Variants in NAB1 observed in about 807,000 individuals in gnomAD.
NAB1 encodes the protein NGFI-A-binding protein 1.
NAB1 carries 25 observed loss-of-function variants against 49.9 expected under a neutral mutation model. The ratio of observed to expected loss-of-function variants is 0.50; its 90% CI spans 0.37 to 0.70. NAB1 has a LOEUF of 0.70. Among genes scored for constraint, NAB1 ranks in the 30% least tolerant of loss-of-function variants. The probability of loss-of-function intolerance (pLI) is 0.00; values close to 1 mark genes in which losing one functional copy is unlikely to be tolerated. For missense variants in NAB1, 489 were observed against 575.9 expected (o/e 0.85, Z 1.54); for synonymous variants, 198 against 215.6 (o/e 0.92, Z 0.71).
intron 5 of NAB1, among the ~76,000 whole-genome samples, chr2:190,672,091 T>C (rs980094794): frequency 7.9e-5 from 12 of 152,132 alleles, no homozygotes; most frequent in African/African-American, 2.9e-4. Context: ...TCCTTTAAAG[T>C]TAAATGTACC....
At chr2:190,668,537 A>G (rs1437695281) in intron 4 of NAB1, among the ~76,000 whole-genome samples, 3 of 152,212 alleles carry the variant, frequency 2.0e-5, no homozygotes, top group East Asian at 1.9e-4. Flanking sequence ...CTCTGCCTTA[A>G]TACATCGGTA....
In NAB1 at chr2:190,670,676, A is replaced by C. The variant is rs762040766; in HGVS notation, c.953+217A>C. ...TTTTGAAAGGCATCATTCTCTAGTTACTATAGCATTGTTCTGGTAGTGGTT... is the reference window on the plus strand; with the variant it reads ...TTTTGAAAGGCATCATTCTCTAGTTCCTATAGCATTGTTCTGGTAGTGGTT... On this transcript the variant is annotated intron_variant, in intron 5 of 9. Coordinates refer to ENST00000337386, the MANE Select transcript of NAB1 (RefSeq NM_005966.4). The surrounding 1 kb of genome is among the most constrained non-coding windows in gnomAD (Gnocchi z 5.3). Among the ~76,000 whole-genome samples the C allele has an allele frequency of 2.0e-5, 3 of 152,158 alleles. No homozygotes were observed. Among genetic ancestry groups the C allele is most frequent in the African/African-American group, 7.2e-5 (3 of 41,424 alleles).
Position 190,651,280 on chromosome 2 carries a change from TCTC to T in NAB1, c.-197+1299_-197+1301del, listed in dbSNP as rs992807332. 6.6e-6 allele frequency among the ~76,000 whole-genome samples: 1 copy of T among 152,178 alleles called. No homozygotes were observed. Among genetic ancestry groups the T allele is most frequent in the African/African-American group, 2.4e-5 (1 of 41,422 alleles). ...ATTTCAAAATTATTCAGTTGAGTAA[TCTC>T]TTTTTTGTAAGTGGCAAATAACATC... On this transcript the variant is annotated intron_variant, in intron 2 of 9. Coordinates refer to ENST00000337386, the MANE Select transcript of NAB1 (RefSeq NM_005966.4). The surrounding 1 kb of genome is among the most constrained non-coding windows in gnomAD (Gnocchi z 4.3).
chr2:190,686,337 A>G lies in NAB1; in HGVS notation c.1258+699A>G, dbSNP rs1695605430. ...ACAGGTTATATATCCTCTAGTTTCAAATAGTAATAAGTGTTTGAAGAAAAA... is the reference window on the plus strand; with the variant it reads ...ACAGGTTATATATCCTCTAGTTTCAGATAGTAATAAGTGTTTGAAGAAAAA... On this transcript the variant is annotated intron_variant, in intron 8 of 9. Coordinates refer to ENST00000337386, the MANE Select transcript of NAB1 (RefSeq NM_005966.4). The surrounding 1 kb of genome is among the most constrained non-coding windows in gnomAD (Gnocchi z 5.5). Among the ~76,000 whole-genome samples the G allele has an allele frequency of 6.6e-6, 1 of 152,206 alleles. No homozygotes were observed. Among genetic ancestry groups the G allele is most frequent in the Non-Finnish European group, 1.5e-5 (1 of 68,030 alleles).
At chr2:190,673,593 T>G (rs1694928621) in intron 6 of NAB1, among the ~76,000 whole-genome samples, 1 of 152,232 alleles carries the variant, frequency 6.6e-6, no homozygotes, top group Non-Finnish European at 1.5e-5. Context: ...GATTTAAAAC[T>G]TCACGGGTTA....
At chr2:190,650,156 C>G (rs2125520096) in intron 2 of NAB1, among the ~76,000 whole-genome samples, 174 bp downstream of exon 2, 1 of 152,318 alleles carries the variant, frequency 6.6e-6, no homozygotes, top group South Asian at 2.1e-4. Flanking sequence ...TTTGTCGATT[C>G]TGCAGACCAA....
At chr2:190,665,306 G>A (rs1173410353) in intron 4 of NAB1, among the ~76,000 whole-genome samples, 3 of 147,334 alleles carry the variant, frequency 2.0e-5, no homozygotes, top group Non-Finnish European at 3.0e-5. Context: ...CTGGGCGACA[G>A]AGCAAGACTC....
chr2:190,663,797 T>A lies in NAB1; in HGVS notation c.819+3802T>A, dbSNP rs530637950. Among the ~76,000 whole-genome samples the A allele has an allele frequency of 6.6e-6, 1 of 152,328 alleles. No homozygotes were observed. Among genetic ancestry groups the A allele is most frequent in the African/African-American group, 2.4e-5 (1 of 41,572 alleles). The stretch of plus-strand genomic sequence containing the variant: ...TCACTATGTATTGATTCAGTGTTAT[T>A]CCCAAAGTTTTGTTATGAGGTTATT... On this transcript the variant is annotated intron_variant, in intron 4 of 9. Coordinates refer to ENST00000337386, the MANE Select transcript of NAB1 (RefSeq NM_005966.4). This position sits in a 1 kb window ranked among gnomAD's most constrained non-coding sequence, Gnocchi z 4.2.
Position 190,649,637 on chromosome 2 carries a change from G to A in NAB1, c.-333-209G>A, listed in dbSNP as rs1693546773. 6.6e-6 allele frequency among the ~76,000 whole-genome samples: 1 copy of A among 152,000 alleles called. No individual in the cohort carries two copies. The highest frequency in any genetic ancestry group is 2.4e-5 in the African/African-American group (1 of 41,358). On this transcript the variant is annotated intron_variant, in intron 1 of 9. Coordinates refer to ENST00000337386, the MANE Select transcript of NAB1 (RefSeq NM_005966.4). This position sits in a 1 kb window ranked among gnomAD's most constrained non-coding sequence, Gnocchi z 6.1. The stretch of plus-strand genomic sequence containing the variant: ...TTTTCCCTCCGAGAAAGGTTGGGGT[G>A]CCGAGTCCGTTTTGCTAACGGGGCT...
At position 190,686,328 on chromosome 2, in the gene NAB1, C is replaced by T. The variant is rs149652835; in HGVS notation, c.1258+690C>T. 1.1e-3 allele frequency among the ~76,000 whole-genome samples: 173 copies of T among 152,212 alleles called. No homozygotes were observed. Among genetic ancestry groups the T allele is most frequent in the Non-Finnish European group, 2.2e-3 (149 of 68,000 alleles). On this transcript the variant is annotated intron_variant, in intron 8 of 9. Transcript: ENST00000337386. The surrounding 1 kb of genome is among the most constrained non-coding windows in gnomAD (Gnocchi z 5.5). ...GGGAGATGTACAGGTTATATATCCT[C>T]TAGTTTCAAATAGTAATAAGTGTTT...
rs1184731116 is a variant in NAB1, at chr2:190,691,935, T to G, written c.*1602T>G. On this transcript the variant is annotated 3_prime_UTR_variant, in exon 10 of 10. Transcript: ENST00000337386. The surrounding 1 kb of genome is among the most constrained non-coding windows in gnomAD (Gnocchi z 4.1). ...TTCATTTTAATTTGTAGAAGTACTT[T>G]ACAGTAGGAAACGCCAGTAAACAAC... The G allele has an allele frequency of 2.0e-5, 3 of 152,658 alleles. No individual in the cohort carries two copies. The highest frequency in any genetic ancestry group is 2.9e-5 in the Non-Finnish European group (2 of 68,028). 9.5% of individuals were successfully genotyped at this position (152,658 alleles called of 1,614,324 possible). A position where few individuals can be genotyped will look rare whatever the true frequency, so the allele number is the denominator to read the frequency against.
At position 190,651,147 on chromosome 2, in the gene NAB1, C is replaced by T. The variant is rs1693647199; in HGVS notation, c.-197+1165C>T. Among the ~76,000 whole-genome samples the T allele has an allele frequency of 6.6e-6, 1 of 152,116 alleles. No individual in the cohort carries two copies. The highest frequency in any genetic ancestry group is 2.4e-5 in the African/African-American group (1 of 41,420). ...CTGCCTGCTAATTATGGATGTAATTCAAATGACAGAAATTCTTAGGATTAC... is the reference window on the plus strand; with the variant it reads ...CTGCCTGCTAATTATGGATGTAATTTAAATGACAGAAATTCTTAGGATTAC... On this transcript the variant is annotated intron_variant, in intron 2 of 9. Transcript: ENST00000337386. This position sits in a 1 kb window ranked among gnomAD's most constrained non-coding sequence, Gnocchi z 4.3.
At position 190,690,503 on chromosome 2, in the gene NAB1, C is replaced by T; in HGVS notation, c.*170C>T. 2 of 540,500 alleles carry T rather than the reference C, an allele frequency of 3.7e-6. No individual in the cohort carries two copies. The highest frequency in any genetic ancestry group is 2.8e-5 in the South Asian group (1 of 35,738). The allele number at this position is 540,500 out of a possible 1,614,324, so 33.5% of individuals were successfully genotyped here. On this transcript the variant is annotated 3_prime_UTR_variant, in exon 10 of 10. Coordinates refer to ENST00000337386, the MANE Select transcript of NAB1 (RefSeq NM_005966.4). ...TGTGGAAACCAGGAAGATAAAACAA[C>T]AGCCACAAAAGAGAAAATCAAGAGT...
rs763139080 is a variant in NAB1, at chr2:190,670,509, G to C, written c.953+50G>C. 4 of 1,584,718 alleles carry C rather than the reference G, an allele frequency of 2.5e-6. No homozygotes were observed. The highest frequency in any genetic ancestry group is 3.4e-5 in the Admixed American group (2 of 58,136). ...ATTTTTGCATTGCTTGAGAGAAGTA[G>C]AGTTCGAAACATCATCTATTGATAG... On this transcript the variant is annotated intron_variant, in intron 5 of 9. Transcript: ENST00000337386. This position sits in a 1 kb window ranked among gnomAD's most constrained non-coding sequence, Gnocchi z 5.3.
chr2:190,667,524 G>A lies in NAB1; in HGVS notation c.820-2802G>A, dbSNP rs1042025336. ...ACATTGTGCCTTTCAAAGGCACTTAGGGGAGGAATTTATCTATTGATGACT... is the reference window on the plus strand; with the variant it reads ...ACATTGTGCCTTTCAAAGGCACTTAAGGGAGGAATTTATCTATTGATGACT... On this transcript the variant is annotated intron_variant, in intron 4 of 9. Transcript: ENST00000337386. This position sits in a 1 kb window ranked among gnomAD's most constrained non-coding sequence, Gnocchi z 4.4. 2.0e-5 allele frequency among the ~76,000 whole-genome samples: 3 copies of A among 152,164 alleles called. No individual in the cohort carries two copies. The highest frequency in any genetic ancestry group is 4.8e-5 in the African/African-American group (2 of 41,438).
chr2:190,662,859 G>A (rs1045469129), intron 4 of NAB1, among the ~76,000 whole-genome samples: 3 of 152,202 alleles, frequency 2.0e-5, no homozygotes, highest in Admixed American at 2.0e-4. Flanking sequence ...AAGCTGAGCA[G>A]AAGAAACTCT....
At chr2:190,672,807 A>G (rs1032952237) in intron 5 of NAB1, among the ~76,000 whole-genome samples, 1 of 145,312 alleles carries the variant, frequency 6.9e-6, no homozygotes, top group Non-Finnish European at 1.5e-5. Context: ...GTGAGACCCC[A>G]TCTTTAAAAA....
Position 190,684,843 on chromosome 2 carries a change from A to G in NAB1, c.1096-633A>G, listed in dbSNP as rs16832825. Among the ~76,000 whole-genome samples, 274 of 152,354 alleles carry G rather than the reference A, an allele frequency of 1.8e-3. 2 individuals are homozygous for G. The highest frequency in any genetic ancestry group is 6.3e-3 in the African/African-American group (263 of 41,580). On this transcript the variant is annotated intron_variant, in intron 7 of 9. Transcript: ENST00000337386. The surrounding 1 kb of genome is among the most constrained non-coding windows in gnomAD (Gnocchi z 4.6). ...AAAACACATACAGAGATAAATTTAT[A>G]TGTCAGTTGACTAATTGTATATTTA...
chr2:190,664,407 G>C (rs1416380657), intron 4 of NAB1, among the ~76,000 whole-genome samples: 1 of 151,050 alleles, frequency 6.6e-6, no homozygotes, highest in Non-Finnish European at 1.5e-5. Context: ...GCAGTGGTGA[G>C]ATCACAGCTT....
Sources: allele counts gnomAD v4.1 joint callset (sites outside exome capture counted in the v4.1 genomes callset), GRCh38; gene constraint gnomAD v4.1.1; non-coding constraint Gnocchi (gnomAD v3.1); transcripts MANE v1.5; gene names NCBI Gene and HGNC (gene_info 2026-07-23, HGNC 2026-07-21).